The following ARSB variants were observed in gnomAD, a reference collection of about 807,000 sequenced individuals.
ARSB encodes the protein N-acetylgalactosamine-4-sulfatase.
In ARSB, 41 loss-of-function variants were observed where a neutral mutation model predicts 50.9. The observed-to-expected ratio is 0.81, with a 90% CI of 0.63 to 1.04. The LOEUF (loss-of-function observed/expected upper bound fraction) is 1.04, where lower values mean the gene tolerates loss of function less well. ARSB is among the 50% of genes least tolerant of loss of function. The pLI, the probability that ARSB is intolerant of heterozygous loss-of-function variation, is 0.00. For synonymous variants in ARSB, 269 were observed against 284.8 expected, an observed-to-expected ratio of 0.94 and a Z score of 0.56; for missense variants, 672 against 693.3, an observed-to-expected ratio of 0.97 and a Z score of 0.35.
intron 4 of ARSB, among the ~76,000 whole-genome samples, chr5:78,946,245 G>C (rs370591884): frequency 1.3e-5 from 2 of 152,160 alleles, no homozygotes; most frequent in East Asian, 3.8e-4. Context: ...GTGCTAGCTA[G>C]AGTAATCAGA....
intron 7 of ARSB, among the ~76,000 whole-genome samples, chr5:78,781,323 C>CTCT (rs1748918911): frequency 1.2e-4 from 9 of 75,356 alleles, no homozygotes; most frequent in African/African-American, 5.3e-4. Context: ...CTCTCTCTCT[C>CTCT]TTTTTTTTTT....
chr5:78,941,804 G>A (rs1241227804), intron 4 of ARSB, among the ~76,000 whole-genome samples: 1 of 152,196 alleles, frequency 6.6e-6, no homozygotes, highest in Non-Finnish European at 1.5e-5. Flanking sequence ...CATAAAATGA[G>A]TTAGGGAGGA....
At chr5:78,937,681 A>G (rs337845) in intron 4 of ARSB, among the ~76,000 whole-genome samples, 118,165 of 151,360 alleles carry the variant, frequency 0.78, 46,457 homozygotes, top group African/African-American at 0.87. Context: ...CTCTGGGATT[A>G]TGAATTCAAT....
intron 6 of ARSB, among the ~76,000 whole-genome samples, chr5:78,826,351 T>C (rs1322879111): frequency 1.3e-5 from 2 of 152,172 alleles, no homozygotes; most frequent in Non-Finnish European, 2.9e-5. Flanking sequence ...GGCCCCTTTT[T>C]TCATTTTTTC....
intron 2 of ARSB, 149 bp downstream of exon 2, chr5:78,968,857 G>C: frequency 1.1e-6 from 1 of 899,914 alleles, no homozygotes; most frequent in Non-Finnish European, 1.8e-6. Flanking sequence ...GTTTACAGAG[G>C]TAACATTAGA....
chr5:78,933,452 A>G (rs1426243866), intron 4 of ARSB, among the ~76,000 whole-genome samples: 1 of 152,208 alleles, frequency 6.6e-6, no homozygotes, highest in Non-Finnish European at 1.5e-5. Flanking sequence ...GTCACTCACA[A>G]GTCACAATAT....
intron 6 of ARSB, among the ~76,000 whole-genome samples, chr5:78,821,933 CT>C (rs1262973969): frequency 6.6e-6 from 1 of 152,150 alleles, no homozygotes; most frequent in Admixed American, 6.5e-5. Flanking sequence ...CTGACTCTGA[CT>C]TGTTTGGTCT....
chr5:78,854,826 T>C (rs1746057175), intron 5 of ARSB, among the ~76,000 whole-genome samples: 1 of 152,226 alleles, frequency 6.6e-6, no homozygotes. Context: ...CTCTCATTTC[T>C]GAAGGGTAGA....
chr5:78,928,512 C>T (rs991760017), intron 4 of ARSB, among the ~76,000 whole-genome samples: 11 of 151,908 alleles, frequency 7.2e-5, no homozygotes, highest in African/African-American at 2.2e-4. Context: ...GATGGGGTTT[C>T]GCCATGTTGG....
At chr5:78,797,125 G>A (rs971687136) in intron 6 of ARSB, among the ~76,000 whole-genome samples, 2 of 152,072 alleles carry the variant, frequency 1.3e-5, no homozygotes, top group Non-Finnish European at 1.5e-5. Flanking sequence ...TGATCCGCCC[G>A]CCTCGGCCTC....
chr5:78,877,331 A>G (rs1470937390), intron 5 of ARSB, among the ~76,000 whole-genome samples: 1 of 152,176 alleles, frequency 6.6e-6, no homozygotes, highest in Non-Finnish European at 1.5e-5. Context: ...AAACGATCAA[A>G]CTGTTTCCAA....
At chr5:78,802,134 T>C (rs59748074) in intron 6 of ARSB, among the ~76,000 whole-genome samples, 52,066 of 151,554 alleles carry the variant, frequency 0.34, 11,344 homozygotes, top group African/African-American at 0.62. Context: ...TTCCTCTACC[T>C]GGAGCACTTT....
At chr5:78,970,604 T>C (rs758873079) in intron 1 of ARSB, among the ~76,000 whole-genome samples, 9 of 151,928 alleles carry the variant, frequency 5.9e-5, no homozygotes, top group Non-Finnish European at 1.0e-4. Context: ...TGAGGAAAAG[T>C]AAAGAAGGAG....
chr5:78,823,014 T>C (rs1015079243), intron 6 of ARSB, among the ~76,000 whole-genome samples: 4 of 152,220 alleles, frequency 2.6e-5, no homozygotes, highest in African/African-American at 9.6e-5. Context: ...TTGTGGTTTT[T>C]CCTCTCAAAT....
At chr5:78,837,203 T>C (rs1311007085) in intron 6 of ARSB, among the ~76,000 whole-genome samples, 1 of 152,144 alleles carries the variant, frequency 6.6e-6, no homozygotes, top group African/African-American at 2.4e-5. Context: ...GGTTTTTCAT[T>C]TGTAGGTGGA....
chr5:78,903,633 G>A (rs777431992), intron 4 of ARSB, among the ~76,000 whole-genome samples: 14 of 152,088 alleles, frequency 9.2e-5, no homozygotes, highest in Non-Finnish European at 1.8e-4. Context: ...CAAAACATCT[G>A]CCTGGCATAT....
intron 6 of ARSB, among the ~76,000 whole-genome samples, chr5:78,827,985 A>T (rs1744508083): frequency 6.6e-6 from 1 of 152,182 alleles, no homozygotes; most frequent in Non-Finnish European, 1.5e-5. Context: ...AAAATAGTGC[A>T]GACACAAAGG....
At chr5:78,817,045 A>G in intron 6 of ARSB, 2 of 978,676 alleles carry the variant, frequency 2.0e-6, no homozygotes, top group Non-Finnish European at 2.4e-6. Context: ...TTTGCTATAC[A>G]GCGATAGGAA....
At chr5:78,953,631 C>T (rs918296330) in intron 4 of ARSB, among the ~76,000 whole-genome samples, 1 of 152,174 alleles carries the variant, frequency 6.6e-6, no homozygotes, top group Admixed American at 6.5e-5. Context: ...CTCACCCCTA[C>T]ATGGTCATGT....
Sources: gnomAD v4.1 joint callset for allele counts (sites outside exome capture counted in the v4.1 genomes callset) on GRCh38, gnomAD v4.1.1 for gene constraint, MANE v1.5 for transcripts, NCBI Gene and HGNC (gene_info 2026-07-23, HGNC 2026-07-21) for gene names.